The following CTIF variants were observed in gnomAD, a reference collection of about 807,000 sequenced individuals.
CTIF encodes cap binding complex dependent translation initiation factor.
In CTIF, 21 loss-of-function variants were observed where a neutral mutation model predicts 66.0. That is an observed-to-expected ratio of 0.32 (90% CI 0.23 to 0.46). CTIF has a LOEUF of 0.46. Among genes scored for constraint, CTIF ranks in the 20% least tolerant of loss-of-function variants. The pLI, the probability that CTIF is intolerant of heterozygous loss-of-function variation, is 1.00. For synonymous variants in CTIF, 345 were observed against 326.4 expected (o/e 1.06, Z -0.62); for missense variants, 739 against 812.7 (o/e 0.91, Z 1.10).
chr18:48,597,694 C>T (rs1381950798), intron 1 of CTIF, among the ~76,000 whole-genome samples: 1 of 152,200 alleles, frequency 6.6e-6, no homozygotes, highest in Non-Finnish European at 1.5e-5. Context: ...CTTGTACAGC[C>T]TGCAGAACCA....
At chr18:48,672,345 T>C (rs2091549465) in intron 6 of CTIF, among the ~76,000 whole-genome samples, 1 of 152,072 alleles carries the variant, frequency 6.6e-6, no homozygotes, top group Non-Finnish European at 1.5e-5. Flanking sequence ...GGACAACTCT[T>C]AATAGTATGG....
At chr18:48,717,926 G>A (rs896473534) in intron 7 of CTIF, among the ~76,000 whole-genome samples, 14 of 152,132 alleles carry the variant, frequency 9.2e-5, no homozygotes, top group African/African-American at 2.2e-4. Flanking sequence ...TTGATTGGTA[G>A]CGATGGAGTC....
rs887909022 is a variant in CTIF at position 48,602,843 on chromosome 18, A to G, written c.-28-16695A>G. On this transcript the variant is annotated intron_variant, in intron 1 of 11. Transcript: ENST00000256413. ...AATGGGTGGATGAATGGATGGATGG[A>G]TGGATGAATGGATGGATGGATGGAT... Among the ~76,000 whole-genome samples, 9 of 145,778 alleles carry G rather than the reference A, an allele frequency of 6.2e-5. No homozygotes were observed. The South Asian group carries it at 2.0e-3, about 32-fold the overall frequency.
At chr18:48,741,724 C>A (rs559537055) in intron 7 of CTIF, among the ~76,000 whole-genome samples, 1 of 152,100 alleles carries the variant, frequency 6.6e-6, no homozygotes, top group Non-Finnish European at 1.5e-5. Context: ...CATGCCCGGC[C>A]GACCAAGGCC....
chr18:48,856,482 T>A (rs745383266), intron 10 of CTIF, among the ~76,000 whole-genome samples: 2 of 152,168 alleles, frequency 1.3e-5, no homozygotes, highest in Non-Finnish European at 2.9e-5. Flanking sequence ...GCACTATTCC[T>A]AATAGCTAAA....
intron 6 of CTIF, among the ~76,000 whole-genome samples, chr18:48,671,819 T>C (rs562798281): frequency 6.7e-5 from 10 of 150,302 alleles, no homozygotes; most frequent in African/African-American, 9.8e-5. Flanking sequence ...TTAAAGTCTT[T>C]CTTTACTCTC....
At chr18:48,673,997 T>C (rs998255670) in intron 6 of CTIF, among the ~76,000 whole-genome samples, 1 of 152,176 alleles carries the variant, frequency 6.6e-6, no homozygotes, top group African/African-American at 2.4e-5. Flanking sequence ...CCGCCCCAAC[T>C]GCAAGGGCTG....
At chr18:48,702,228 A>G (rs1194904109) in intron 6 of CTIF, among the ~76,000 whole-genome samples, 2 of 152,200 alleles carry the variant, frequency 1.3e-5, no homozygotes, top group African/African-American at 2.4e-5. Context: ...AAAGGGAGAG[A>G]GGGGTGGTTA....
intron 1 of CTIF, among the ~76,000 whole-genome samples, chr18:48,576,492 C>T (rs887614861): frequency 2.0e-5 from 3 of 152,268 alleles, no homozygotes; most frequent in Non-Finnish European, 4.4e-5. Flanking sequence ...TGCCACTCTG[C>T]TCACGTTGAG....
intron 1 of CTIF, among the ~76,000 whole-genome samples, chr18:48,590,218 T>C (rs2089860108): frequency 6.6e-6 from 1 of 152,202 alleles, no homozygotes; most frequent in Non-Finnish European, 1.5e-5. Context: ...TAGTCTGGAA[T>C]CCAGCCTCAG....
chr18:48,562,837 A>C (rs887275715), intron 1 of CTIF, among the ~76,000 whole-genome samples: 2 of 152,246 alleles, frequency 1.3e-5, no homozygotes, highest in African/African-American at 4.8e-5. Flanking sequence ...AATAGTTGCC[A>C]TGCCCCACAC....
intron 3 of CTIF, among the ~76,000 whole-genome samples, chr18:48,660,836 C>CCATCTT (rs1156740300): frequency 1.3e-5 from 2 of 152,220 alleles, no homozygotes; most frequent in Non-Finnish European, 2.9e-5. Flanking sequence ...AGGTGAATCA[C>CCATCTT]CATCTTCCTG....
rs145275932 is a variant in CTIF at position 48,728,252 on chromosome 18, A to G, written c.584+16557A>G. ...CCATATTTCTACCAGTGGTCTCTTC[A>G]TGGCATTTGAAGTTTTCACTAAGAA... On this transcript the variant is annotated intron_variant, in intron 7 of 11. Transcript: ENST00000256413. 3.1e-3 allele frequency among the ~76,000 whole-genome samples: 470 copies of G among 152,248 alleles called. 2 individuals are homozygous for G. Among genetic ancestry groups the G allele is most frequent in the African/African-American group, 0.011 (448 of 41,538 alleles).
chr18:48,638,581 T>C (rs2090867545), intron 3 of CTIF, among the ~76,000 whole-genome samples: 1 of 152,086 alleles, frequency 6.6e-6, no homozygotes, highest in Non-Finnish European at 1.5e-5. Flanking sequence ...GTTCGCCAGA[T>C]AATATGGGCC....
chr18:48,806,753 A>G (rs1599082383), intron 9 of CTIF, among the ~76,000 whole-genome samples: 1 of 152,162 alleles, frequency 6.6e-6, no homozygotes, highest in East Asian at 1.9e-4. Context: ...ACCATGCCAG[A>G]GCTCATGTGG....
chr18:48,687,937 G>A (rs961108114), intron 6 of CTIF, among the ~76,000 whole-genome samples: 2 of 152,186 alleles, frequency 1.3e-5, no homozygotes, highest in African/African-American at 2.4e-5. Flanking sequence ...CTTGCCTTTT[G>A]CCAATTCACA....
At chr18:48,601,990 T>A (rs920268629) in intron 1 of CTIF, among the ~76,000 whole-genome samples, 2 of 152,230 alleles carry the variant, frequency 1.3e-5, no homozygotes, top group African/African-American at 4.8e-5. Context: ...GGCATGTTCA[T>A]TTCACATCTT....
At chr18:48,743,381 A>C (rs777597454) in intron 7 of CTIF, among the ~76,000 whole-genome samples, 1 of 152,222 alleles carries the variant, frequency 6.6e-6, no homozygotes, top group Non-Finnish European at 1.5e-5. Flanking sequence ...AAATCAAACC[A>C]GTTGACTTTC....
Position 48,731,121 on chromosome 18 carries a change from G to T in CTIF, c.584+19426G>T, listed in dbSNP as rs556538673. On this transcript the variant is annotated intron_variant, in intron 7 of 11. Coordinates refer to ENST00000256413, the MANE Select transcript of CTIF (RefSeq NM_014772.3). ...ATGGAGCAGTGTGTGGCCCCTTTGG[G>T]TGCTCAGGAAATGGTCATTCCTCTT... 9.9e-5 allele frequency among the ~76,000 whole-genome samples: 15 copies of T among 152,244 alleles called. No individual in the cohort carries two copies. The South Asian group carries it at 2.9e-3, about 29-fold the overall frequency.
Sources: allele counts gnomAD v4.1 joint callset (sites outside exome capture counted in the v4.1 genomes callset), GRCh38; gene constraint gnomAD v4.1.1; transcripts MANE v1.5; gene names NCBI Gene and HGNC (gene_info 2026-07-23, HGNC 2026-07-21).